Variants in LHFPL3 observed in about 807,000 individuals in gnomAD.
LHFPL3 encodes LHFPL tetraspan subfamily member 3.
A neutral mutation model predicts 19.3 loss-of-function variants in LHFPL3; 5 were observed. The ratio of observed to expected loss-of-function variants is 0.26; its 90% CI spans 0.14 to 0.54. LHFPL3 has a LOEUF of 0.54. Ranked by LOEUF, LHFPL3 falls within the 20% of genes least tolerant of loss-of-function variation. The pLI is 0.94. For synonymous variants in LHFPL3, 133 were observed against 126.2 expected (o/e 1.05, Z -0.36); for missense variants, 249 against 307.4 (o/e 0.81, Z 1.42).
intron 1 of LHFPL3, among the ~76,000 whole-genome samples, chr7:104,723,114 A>G (rs1410101082): frequency 6.6e-6 from 1 of 152,132 alleles, no homozygotes; most frequent in Non-Finnish European, 1.5e-5. Context: ...TGTTTCCTCC[A>G]TAGAGGTTAC....
chr7:104,481,573 T>C (rs1270592378), intron 1 of LHFPL3, among the ~76,000 whole-genome samples: 1 of 152,010 alleles, frequency 6.6e-6, no homozygotes, highest in Non-Finnish European at 1.5e-5. Context: ...CATGTCTCCC[T>C]GTAATAAACT....
chr7:104,468,229 T>C (rs1001297892), intron 1 of LHFPL3, among the ~76,000 whole-genome samples: 11 of 152,200 alleles, frequency 7.2e-5, no homozygotes, highest in African/African-American at 2.7e-4. Context: ...CACTGGAATA[T>C]GGAATCCAAT....
intron 2 of LHFPL3, among the ~76,000 whole-genome samples, chr7:104,737,972 A>G (rs1317351649): frequency 6.6e-6 from 1 of 151,998 alleles, no homozygotes; most frequent in Admixed American, 6.6e-5. Context: ...TATCTAGACC[A>G]TCACTGTTTA....
intron 1 of LHFPL3, among the ~76,000 whole-genome samples, chr7:104,709,785 C>T (rs1793263246): frequency 6.6e-6 from 1 of 152,048 alleles, no homozygotes; most frequent in Non-Finnish European, 1.5e-5. Flanking sequence ...CAGAGGGGCT[C>T]CTCACTTCCT....
intron 1 of LHFPL3, among the ~76,000 whole-genome samples, chr7:104,551,188 A>G (rs1794657614): frequency 1.3e-5 from 2 of 152,322 alleles, no homozygotes; most frequent in South Asian, 4.1e-4. Flanking sequence ...AAGTTGATTC[A>G]GGGGAAGATA....
At chr7:104,665,075 T>G (rs750738272) in intron 1 of LHFPL3, among the ~76,000 whole-genome samples, 2 of 152,258 alleles carry the variant, frequency 1.3e-5, no homozygotes, top group Admixed American at 1.3e-4. Context: ...TTTTAGCACT[T>G]AATCACTAAT....
At chr7:104,374,322 A>G (rs1256616611) in intron 1 of LHFPL3, among the ~76,000 whole-genome samples, 1 of 151,290 alleles carries the variant, frequency 6.6e-6, no homozygotes, top group African/African-American at 2.4e-5. Flanking sequence ...GCTCACTGCA[A>G]CCTCCACCTC....
At chr7:104,758,583 T>C (rs1794323513) in intron 2 of LHFPL3, among the ~76,000 whole-genome samples, 1 of 152,104 alleles carries the variant, frequency 6.6e-6, no homozygotes, top group South Asian at 2.1e-4. Context: ...AACTGGGAGC[T>C]TTCTGCACCC....
intron 1 of LHFPL3, among the ~76,000 whole-genome samples, chr7:104,396,804 C>T (rs1010446427): frequency 6.6e-6 from 1 of 151,896 alleles, no homozygotes; most frequent in Non-Finnish European, 1.5e-5. Context: ...CAAAAACACA[C>T]ACACACACAC....
At chr7:104,694,115 G>T (rs1231551143) in intron 1 of LHFPL3, among the ~76,000 whole-genome samples, 7 of 152,270 alleles carry the variant, frequency 4.6e-5, no homozygotes, top group Admixed American at 2.6e-4. Flanking sequence ...AAGAGCAAGG[G>T]CCAGAAAAGG....
At chr7:104,602,269 C>A (rs1040099467) in intron 1 of LHFPL3, among the ~76,000 whole-genome samples, 4 of 152,106 alleles carry the variant, frequency 2.6e-5, no homozygotes, top group East Asian at 3.9e-4. Flanking sequence ...AATCCTCCCA[C>A]CTTGGCCTCC....
chr7:104,385,689 G>A (rs1439134616), intron 1 of LHFPL3, among the ~76,000 whole-genome samples: 1 of 114,808 alleles, frequency 8.7e-6, no homozygotes. Flanking sequence ...CATTCAAGAA[G>A]TATAATGAGT....
At chr7:104,418,795 G>A (rs1791673943) in intron 1 of LHFPL3, among the ~76,000 whole-genome samples, 2 of 152,090 alleles carry the variant, frequency 1.3e-5, no homozygotes, top group South Asian at 2.1e-4. Context: ...CAGGTGGAAG[G>A]GATGGCATGA....
chr7:104,676,449 T>C (rs1333477329), intron 1 of LHFPL3, among the ~76,000 whole-genome samples: 1 of 152,240 alleles, frequency 6.6e-6, no homozygotes, highest in Admixed American at 6.5e-5. Flanking sequence ...AAACACATAA[T>C]TTCTTAAGCA....
At chr7:104,703,756 T>C (rs1243740973) in intron 1 of LHFPL3, among the ~76,000 whole-genome samples, 2 of 152,220 alleles carry the variant, frequency 1.3e-5, no homozygotes. Flanking sequence ...TTTCATTTAT[T>C]TTATTTTAGG....
chr7:104,764,909 T>A (rs1385731567), intron 2 of LHFPL3, among the ~76,000 whole-genome samples: 1 of 152,244 alleles, frequency 6.6e-6, no homozygotes, highest in East Asian at 1.9e-4. Context: ...ATTAGATGAC[T>A]TGTTCAAGGT....
At chr7:104,701,489 A>G (rs1793099812) in intron 1 of LHFPL3, among the ~76,000 whole-genome samples, 1 of 152,178 alleles carries the variant, frequency 6.6e-6, no homozygotes, top group Non-Finnish European at 1.5e-5. Context: ...TTAAAAAATT[A>G]TAAGGAAGAG....
chr7:104,365,574 G>A (rs1020251550), intron 1 of LHFPL3, among the ~76,000 whole-genome samples: 4 of 150,952 alleles, frequency 2.6e-5, no homozygotes, highest in South Asian at 2.1e-4. Flanking sequence ...GAGGTCAGGA[G>A]ATCGAGACCA....
chr7:104,357,476 C>T (rs10240925), intron 1 of LHFPL3, among the ~76,000 whole-genome samples: 34,225 of 152,008 alleles, frequency 0.23, 4,368 homozygotes, highest in East Asian at 0.35. Context: ...TTTACAACTC[C>T]GTAAGCACTA....
Sources: gnomAD v4.1 joint callset for allele counts (sites outside exome capture counted in the v4.1 genomes callset) on GRCh38, gnomAD v4.1.1 for gene constraint, MANE v1.5 for transcripts, NCBI Gene and HGNC (gene_info 2026-07-23, HGNC 2026-07-21) for gene names.